PLCB4: variants seen among roughly 807,000 people sequenced by gnomAD.
PLCB4 encodes the protein phospholipase C beta 4, also known as 1-phosphatidylinositol 4,5-bisphosphate phosphodiesterase beta-4.
Under a neutral mutation model 178.8 loss-of-function variants are expected in PLCB4, and 77 were observed. The ratio of observed to expected loss-of-function variants is 0.43; its 90% CI spans 0.36 to 0.52. The LOEUF is 0.52. PLCB4 is among the 20% of genes least tolerant of loss of function. The pLI, the probability that PLCB4 is intolerant of heterozygous loss-of-function variation, is 0.00. For missense variants in PLCB4, 1,024 were observed against 1,453.4 expected, an observed-to-expected ratio of 0.70 and a Z score of 4.80; for synonymous variants, 496 against 490.8, an observed-to-expected ratio of 1.01 and a Z score of -0.14.
At chr20:9,360,334 C>G (rs960117736) in intron 7 of PLCB4, among the ~76,000 whole-genome samples, 1 of 152,170 alleles carries the variant, frequency 6.6e-6, no homozygotes, top group Admixed American at 6.5e-5. Context: ...AACAAGATTC[C>G]TTGCCAGCGT....
At chr20:9,417,129 G>GA (rs1434099424) in intron 25 of PLCB4, among the ~76,000 whole-genome samples, 3 of 151,810 alleles carry the variant, frequency 2.0e-5, no homozygotes, top group African/African-American at 7.3e-5. Flanking sequence ...TTTACTTTTG[G>GA]AAAAAAGTAC....
intron 24 of PLCB4, among the ~76,000 whole-genome samples, chr20:9,409,696 G>A (rs916405693): frequency 3.9e-5 from 6 of 152,170 alleles, no homozygotes; most frequent in African/African-American, 1.4e-4. Context: ...CATATTTGAA[G>A]AGGTACTAAT....
intron 13 of PLCB4, among the ~76,000 whole-genome samples, chr20:9,381,533 G>A (rs149794072): frequency 3.4e-3 from 512 of 152,318 alleles, no homozygotes; most frequent in African/African-American, 0.012. Flanking sequence ...TTCCTTGGCA[G>A]TGTGATAAAT....
chr20:9,111,408 C>G (rs2091570074), intron 2 of PLCB4, among the ~76,000 whole-genome samples: 1 of 152,100 alleles, frequency 6.6e-6, no homozygotes, highest in African/African-American at 2.4e-5. Context: ...CAAAGAGTTG[C>G]TTTCTCTCAT....
At chr20:9,245,136 A>T (rs2094111276) in intron 3 of PLCB4, among the ~76,000 whole-genome samples, 1 of 152,272 alleles carries the variant, frequency 6.6e-6, no homozygotes, top group South Asian at 2.1e-4. Context: ...GGAGTTCAGG[A>T]GTTCAAGAGA....
intron 3 of PLCB4, among the ~76,000 whole-genome samples, chr20:9,300,495 TGAA>T (rs1213058909): frequency 1.1e-4 from 16 of 152,286 alleles, no homozygotes; most frequent in South Asian, 6.2e-4. Context: ...GAATAAAAAA[TGAA>T]GAACACCTTG....
rs139716774 is a variant in PLCB4 at position 9,389,859 on chromosome 20, GT to G, written c.1159-11del. The G allele has an allele frequency of 3.0e-4, 408 of 1,367,044 alleles. No homozygotes were observed. Among genetic ancestry groups the G allele is most frequent in the African/African-American group, 1.1e-3 (79 of 68,790 alleles). 84.7% of individuals were successfully genotyped at this position (1,367,044 alleles called of 1,614,324 possible). A position where few individuals can be genotyped will look rare whatever the true frequency, so the allele number is the denominator to read the frequency against. ...TTTTTTGCTCTTTTCTCTCATTAAC[GT>G]TTTTTTTTGTTTTTAAAGGATGTAA... On this transcript the variant is annotated intron_variant, in intron 15 of 39. Transcript: ENST00000378473.
At chr20:9,427,515 T>C (rs963327772) in intron 28 of PLCB4, among the ~76,000 whole-genome samples, 2 of 152,198 alleles carry the variant, frequency 1.3e-5, no homozygotes, top group African/African-American at 4.8e-5. Flanking sequence ...ATAGAAGTAC[T>C]AGATTGGGTG....
chr20:9,372,182 G>A, intron 10 of PLCB4, 121 bp from the exon 11 acceptor site: 1 of 609,150 alleles, frequency 1.6e-6, no homozygotes, highest in Non-Finnish European at 3.0e-6. Flanking sequence ...TCTGTCAGCA[G>A]GAATCAGAGA....
chr20:9,373,292 T>C (rs1039582082), intron 12 of PLCB4, among the ~76,000 whole-genome samples, 188 bp downstream of exon 12: 1 of 152,260 alleles, frequency 6.6e-6, no homozygotes, highest in East Asian at 1.9e-4. Context: ...TTTCTTCACA[T>C]TGGCTTTGCA....
chr20:9,169,490 T>C (rs1304331048), intron 2 of PLCB4, among the ~76,000 whole-genome samples: 2 of 151,314 alleles, frequency 1.3e-5, no homozygotes, highest in Non-Finnish European at 2.9e-5. Context: ...CTCTGGAGGC[T>C]GAGGCAGGAG....
chr20:9,280,590 G>C (rs1262232825), intron 3 of PLCB4: 1 of 310,058 alleles, frequency 3.2e-6, no homozygotes, highest in Non-Finnish European at 4.7e-6. Context: ...TGCCTGCCTT[G>C]CTTGGATTTT....
chr20:9,138,102 G>C (rs1161972091), intron 2 of PLCB4, among the ~76,000 whole-genome samples: 1 of 152,130 alleles, frequency 6.6e-6, no homozygotes, highest in African/African-American at 2.4e-5. Flanking sequence ...AAGTGACATT[G>C]AGTTGGGTCT....
At chr20:9,311,654 A>C (rs1302597013) in intron 4 of PLCB4, among the ~76,000 whole-genome samples, 1 of 152,152 alleles carries the variant, frequency 6.6e-6, no homozygotes, top group East Asian at 1.9e-4. Context: ...TTCAAAATTC[A>C]AGTCCCTCCT....
At chr20:9,104,243 G>A (rs2091282476) in intron 2 of PLCB4, among the ~76,000 whole-genome samples, 1 of 152,146 alleles carries the variant, frequency 6.6e-6, no homozygotes, top group South Asian at 2.1e-4. Flanking sequence ...GCTCTCAATG[G>A]ACTGCTTGGT....
In PLCB4 at chr20:9,439,468, A is replaced by G. The variant is rs571776005; in HGVS notation, c.2764+2316A>G. ...CTACCTCTTGATTAGAGGAGAAAGA[A>G]ATAGTGGTCATTTTTGTAGTATAAC... is the stretch of plus-strand genomic sequence containing the variant. On this transcript the variant is annotated intron_variant, in intron 30 of 39. Coordinates refer to ENST00000378473, the MANE Select transcript of PLCB4 (RefSeq NM_001377142.1). Among the ~76,000 whole-genome samples, 4 of 152,324 alleles carry G rather than the reference A, an allele frequency of 2.6e-5. No homozygotes were observed. The East Asian group carries it at 7.7e-4, about 29-fold the overall frequency.
intron 7 of PLCB4, among the ~76,000 whole-genome samples, chr20:9,357,419 C>T (rs1424543605): frequency 1.3e-5 from 2 of 152,156 alleles, no homozygotes; most frequent in Non-Finnish European, 2.9e-5. Flanking sequence ...GGGTCTAGAA[C>T]CATGGGGCTC....
At chr20:9,407,848 A>G (rs2039560400) in intron 21 of PLCB4, 69 bp from the exon 22 acceptor site, 1 of 1,343,018 alleles carries the variant, frequency 7.4e-7, no homozygotes, top group African/African-American at 1.5e-5. Flanking sequence ...TATTAAGGAA[A>G]TCTGCAGCAC....
chr20:9,425,824 A>T (rs1396133888), intron 28 of PLCB4, among the ~76,000 whole-genome samples: 1 of 152,242 alleles, frequency 6.6e-6, no homozygotes, highest in Non-Finnish European at 1.5e-5. Context: ...AGGGACAGAC[A>T]TTATGCGGTG....
Sources: gnomAD v4.1 joint callset for allele counts (sites outside exome capture counted in the v4.1 genomes callset) on GRCh38, gnomAD v4.1.1 for gene constraint, MANE v1.5 for transcripts, NCBI Gene and HGNC (gene_info 2026-07-23, HGNC 2026-07-21) for gene names.